Variants in PPBP observed in about 807,000 individuals in gnomAD.
PPBP encodes pro-platelet basic protein, also known as platelet basic protein.
PPBP carries 8 observed loss-of-function variants against 8.3 expected under a neutral mutation model. The observed-to-expected ratio is 0.97, with a 90% CI of 0.57 to 1.75. The LOEUF (loss-of-function observed/expected upper bound fraction) is 1.75. Ranked by LOEUF, PPBP falls within the 40% of genes most tolerant of loss-of-function variation. PPBP has a pLI of 0.00. For synonymous variants in PPBP, 64 were observed against 58.9 expected (o/e 1.09, Z -0.40); for missense variants, 169 against 149.2 (o/e 1.13, Z -0.69).
intron 2 of PPBP, 39 bp downstream of exon 2, chr4:73,987,478 T>C (rs1173059855): frequency 2.5e-6 from 4 of 1,608,986 alleles, no homozygotes; most frequent in Non-Finnish European, 8.5e-7. Context: ...AGGTAGAGGG[T>C]TTCTCTGATA....
Position 73,988,147 on chromosome 4 carries a change from C to G in PPBP, c.-44G>C. 1 of 1,606,234 alleles carries G rather than the reference C, an allele frequency of 6.2e-7. No homozygotes were observed. The highest frequency in any genetic ancestry group is 8.5e-7 in the Non-Finnish European group (1 of 1,173,106). On this transcript the variant is annotated 5_prime_UTR_variant, in exon 1 of 3. Transcript: ENST00000296028. ...AGAGTTGTTTCCAGAACCAGAAGACCTCTGAGTGAGGGTGAGTTGCTGCCT... is the reference window on the plus strand; with the variant it reads ...AGAGTTGTTTCCAGAACCAGAAGACGTCTGAGTGAGGGTGAGTTGCTGCCT...
At chr4:73,987,404 T>C (rs1278729107) in intron 2 of PPBP, 30 bp from the exon 3 acceptor site, 20 of 1,607,202 alleles carry the variant, frequency 1.2e-5, no homozygotes, top group Non-Finnish European at 1.7e-5. Flanking sequence ...TATCTGTGGG[T>C]GTCCTGATCT....
rs558211014 is a variant in PPBP at position 73,987,552 on chromosome 4, G to A, written c.249C>T (p.Ile83=). The change falls in exon 2 of 3, where the codon ATC becomes ATT. Residue 83 remains isoleucine, a synonymous_variant. Coordinates refer to ENST00000296028, the MANE Select transcript of PPBP (RefSeq NM_002704.3). ...HPKNIQSLEV[I]GKGTHCNQVE... The stretch of plus-strand genomic sequence containing the variant: ...CTTGGTTGCAATGGGTTCCTTTCCC[G>A]ATCACTTCCAAACTTTGGATGTTTT... 17 of 1,613,940 alleles carry A rather than the reference G, an allele frequency of 1.1e-5. No individual in the cohort carries two copies. The highest frequency in any genetic ancestry group is 4.4e-5 in the South Asian group (4 of 91,082).
Position 73,987,291 on chromosome 4 carries a change from C to G in PPBP, c.368G>C (p.Gly123Ala). The G allele has an allele frequency of 6.2e-7, 1 of 1,611,828 alleles. No homozygotes were observed. Among genetic ancestry groups the G allele is most frequent in the Non-Finnish European group, 8.5e-7 (1 of 1,177,998 alleles). Residue 123 changes from glycine (G) to alanine (A), a missense_variant, in exon 3 of 3, where the codon GGT becomes GCT. Physicochemically the swap from Gly to Ala is moderately conservative, Grantham distance 60. Transcript: ENST00000296028. ...AACAAATTAATCAGCAGATTCATCA[C>G]CTGCCAATTTTTTCTGTACAATTTT... ...IKKIVQKKLA[G>A]DESAD
Position 73,988,150 on chromosome 4 carries a change from T to C in PPBP, c.-47A>G, listed in dbSNP as rs933795619. ...GTTGTTTCCAGAACCAGAAGACCTCTGAGTGAGGGTGAGTTGCTGCCTACA... is the reference window on the plus strand; with the variant it reads ...GTTGTTTCCAGAACCAGAAGACCTCCGAGTGAGGGTGAGTTGCTGCCTACA... On this transcript the variant is annotated 5_prime_UTR_variant, in exon 1 of 3. Coordinates refer to ENST00000296028, the MANE Select transcript of PPBP (RefSeq NM_002704.3). The C allele has an allele frequency of 2.5e-6, 4 of 1,595,212 alleles. No homozygotes were observed. Among genetic ancestry groups the C allele is most frequent in the Admixed American group, 3.3e-5 (2 of 59,920 alleles).
chr4:73,987,674 A>G lies in PPBP; in HGVS notation c.149-22T>C, dbSNP rs532849092. On this transcript the variant is annotated intron_variant, in intron 1 of 2. Transcript: ENST00000296028. ...TCCTCTAGGGTAGAAAATGTGACCT[A>G]TTGGTGGTCATGAATATTTTCCTCA... 4.4e-6 allele frequency: 7 copies of G among 1,601,992 alleles called. No homozygotes were observed. The East Asian group carries it at 6.7e-5, about 15-fold the overall frequency.
chr4:73,987,565 C>A lies in PPBP; in HGVS notation c.236G>T (p.Ser79Ile), dbSNP rs1718998116. The A allele has an allele frequency of 6.2e-7, 1 of 1,614,146 alleles. No homozygotes were observed. The highest frequency in any genetic ancestry group is 8.5e-7 in the Non-Finnish European group (1 of 1,179,992). The change falls in exon 2 of 3, where the codon AGT becomes ATT. Residue 79 changes from serine to isoleucine, a missense_variant. Physicochemically the swap from Ser to Ile is moderately radical, Grantham distance 142. Coordinates refer to ENST00000296028, the MANE Select transcript of PPBP (RefSeq NM_002704.3). ...GGTTCCTTTCCCGATCACTTCCAAA[C>A]TTTGGATGTTTTTGGGATGAATTCC... ...TSGIHPKNIQ[S>I]LEVIGKGTHC...
At position 73,987,296 on chromosome 4, in the gene PPBP, C is replaced by T; in HGVS notation, c.363G>A (p.Leu121=). Residue 121 remains leucine (L), a synonymous_variant, in exon 3 of 3, where the codon TTG becomes TTA. Transcript: ENST00000296028. The stretch of plus-strand genomic sequence containing the variant: ...ATTAATCAGCAGATTCATCACCTGC[C>T]AATTTTTTCTGTACAATTTTCTTGA... ...PRIKKIVQKK[L]AGDESAD is the part of the protein sequence containing the mutation. 2 of 1,612,910 alleles carry T rather than the reference C, an allele frequency of 1.2e-6. No individual in the cohort carries two copies. Among genetic ancestry groups the T allele is most frequent in the South Asian group, 1.1e-5 (1 of 91,028 alleles).
chr4:73,987,265 GAA>G lies in PPBP; in HGVS notation c.*5_*6del, dbSNP rs1267811674. ...GAGTTAAAGAAGTTTGGCAGAAACA[GAA>G]CAAATTAATCAGCAGATTCATCACC... On this transcript the variant is annotated 3_prime_UTR_variant, in exon 3 of 3. Coordinates refer to ENST00000296028, the MANE Select transcript of PPBP (RefSeq NM_002704.3). The G allele has an allele frequency of 6.3e-7, 1 of 1,597,736 alleles. No individual in the cohort carries two copies. The highest frequency in any genetic ancestry group is 8.6e-7 in the Non-Finnish European group (1 of 1,165,602).
Position 73,987,211 on chromosome 4 carries a change from T to A in PPBP, c.*61A>T, listed in dbSNP as rs566370306. The A allele has an allele frequency of 9.2e-6, 13 of 1,412,686 alleles. No homozygotes were observed. The African/African-American group carries it at 1.7e-4, about 19-fold the overall frequency. 87.5% of individuals were successfully genotyped at this position (1,412,686 alleles called of 1,614,324 possible). A position where few individuals can be genotyped will look rare whatever the true frequency, so the allele number is the denominator to read the frequency against. On this transcript the variant is annotated 3_prime_UTR_variant, in exon 3 of 3. Transcript: ENST00000296028. The stretch of plus-strand genomic sequence containing the variant: ...CTGAATAAATGAGAACTCTAGAAAA[T>A]CAAGGTTTCAAAATTCTACCCTTCC...
rs1719011193 is a variant in PPBP at position 73,988,023 on chromosome 4, T to C, written c.81A>G (p.Ser27=). Reference sequence around the variant, plus strand: ...AGGAAGCCAGAGCAGTCAGCAGCAATGACAGAAGCAGCAGCACCTGCAAGG... The same window carrying C: ...AGGAAGCCAGAGCAGTCAGCAGCAACGACAGAAGCAGCAGCACCTGCAAGG... ...LHALQVLLLL[S]LLLTALASST... The change falls in exon 1 of 3, where the codon TCA becomes TCG. Residue 27 remains serine, a synonymous_variant. Transcript: ENST00000296028. The C allele has an allele frequency of 2.5e-6, 4 of 1,614,064 alleles. No individual in the cohort carries two copies. In the East Asian group the frequency reaches 6.7e-5, roughly 27 times the overall value.
Position 73,988,072 on chromosome 4 carries a change from C to T in PPBP, c.32G>A (p.Cys11Tyr). 1 of 1,614,036 alleles carries T rather than the reference C, an allele frequency of 6.2e-7. No homozygotes were observed. ...GGCATGAAGTGGTCTCGCACTGTTACAGGAAGGGGTGGTATCAAGTCTGAG... is the reference window on the plus strand; with the variant it reads ...GGCATGAAGTGGTCTCGCACTGTTATAGGAAGGGGTGGTATCAAGTCTGAG... MSLRLDTTPS[C>Y]NSARPLHALQ... Residue 11 changes from cysteine to tyrosine, a missense_variant, in exon 1 of 3, where the codon TGT becomes TAT. Coordinates refer to ENST00000296028, the MANE Select transcript of PPBP (RefSeq NM_002704.3).
At chr4:73,987,683 C>A in intron 1 of PPBP, 31 bp from the exon 2 acceptor site, 2 of 1,599,512 alleles carry the variant, frequency 1.3e-6, no homozygotes, top group South Asian at 1.1e-5. Context: ...TATTGGTGGT[C>A]ATGAATATTT....
At chr4:73,987,721 G>T in intron 1 of PPBP, 69 bp from the exon 2 acceptor site, 1 of 1,558,458 alleles carries the variant, frequency 6.4e-7, no homozygotes. Flanking sequence ...TGCAGATTGA[G>T]GGCAATTGTA....
rs1718989382 is a variant in PPBP, at chr4:73,987,247, A to G, written c.*25T>C. ...AAATTCTACCCTTCCTGGGAGTTAA[A>G]GAAGTTTGGCAGAAACAGAACAAAT... On this transcript the variant is annotated 3_prime_UTR_variant, in exon 3 of 3. Coordinates refer to ENST00000296028, the MANE Select transcript of PPBP (RefSeq NM_002704.3). 2.6e-6 allele frequency: 4 copies of G among 1,563,442 alleles called. No homozygotes were observed. The African/African-American group carries it at 4.1e-5, about 16-fold the overall frequency.
In PPBP at chr4:73,987,551, C is replaced by A; in HGVS notation, c.250G>T (p.Gly84Trp). ...ACTTGGTTGCAATGGGTTCCTTTCCCGATCACTTCCAAACTTTGGATGTTT... is the reference window on the plus strand; with the variant it reads ...ACTTGGTTGCAATGGGTTCCTTTCCAGATCACTTCCAAACTTTGGATGTTT... ...PKNIQSLEVI[G>W]KGTHCNQVEV... The change falls in exon 2 of 3, where the codon GGG becomes TGG. Residue 84 changes from glycine to tryptophan, a missense_variant. By Grantham distance (184) the Gly-to-Trp change is radical. Transcript: ENST00000296028. 1 of 1,614,086 alleles carries A rather than the reference C, an allele frequency of 6.2e-7. No individual in the cohort carries two copies. The highest frequency in any genetic ancestry group is 8.5e-7 in the Non-Finnish European group (1 of 1,179,986).
At position 73,987,602 on chromosome 4, in the gene PPBP, T is replaced by A; in HGVS notation, c.199A>T (p.Lys67Ter). 1.2e-6 allele frequency: 2 copies of A among 1,614,062 alleles called. No individual in the cohort carries two copies. The highest frequency in any genetic ancestry group is 1.7e-6 in the Non-Finnish European group (2 of 1,179,932). ...TTGGGATGAATTCCAGAGGTTGTCT[T>A]TATACACATGCAGCGGAGTTCAGCA... is the stretch of plus-strand genomic sequence containing the variant. Reference protein sequence around the residue: ...LYAELRCMCIKTTSGIHPKNI... With the variant: ...LYAELRCMCI Residue 67 changes from lysine to a stop codon, truncating the protein, a stop_gained, in exon 2 of 3, where the codon AAG becomes TAG. Transcript: ENST00000296028. LOFTEE classifies it high-confidence loss of function.
rs777286878 is a variant in PPBP at position 73,988,056 on chromosome 4, T to C, written c.48A>G (p.Pro16=). 5.6e-6 allele frequency: 9 copies of C among 1,614,000 alleles called. No individual in the cohort carries two copies. The highest frequency in any genetic ancestry group is 6.8e-6 in the Non-Finnish European group (8 of 1,179,894). Reference sequence around the variant, plus strand: ...GCAGCAGCACCTGCAAGGCATGAAGTGGTCTCGCACTGTTACAGGAAGGGG... The same window carrying C: ...GCAGCAGCACCTGCAAGGCATGAAGCGGTCTCGCACTGTTACAGGAAGGGG... ...DTTPSCNSAR[P]LHALQVLLLL... The change falls in exon 1 of 3, where the codon CCA becomes CCG. Residue 16 remains proline, a synonymous_variant. Coordinates refer to ENST00000296028, the MANE Select transcript of PPBP (RefSeq NM_002704.3).
In PPBP at chr4:73,987,942, A is replaced by C. The variant is rs768190493; in HGVS notation, c.148+14T>G. The C allele has an allele frequency of 4.3e-6, 7 of 1,613,986 alleles. No individual in the cohort carries two copies. The Admixed American group carries it at 1.2e-4, about 27-fold the overall frequency. On this transcript the variant is annotated intron_variant, in intron 1 of 2. Transcript: ENST00000296028. ...GCAGAAGCAGCAACAAGTGCAGAGA[A>C]GCAGGGCCTCTACCTTTGCCTTTCG...
Sources: gnomAD v4.1 joint callset for allele counts on GRCh38, gnomAD v4.1.1 for gene constraint, MANE v1.5 for transcripts, NCBI Gene and HGNC (gene_info 2026-07-23, HGNC 2026-07-21) for gene names.